The following DOK6 variants were observed in gnomAD, a reference collection of about 807,000 sequenced individuals.
DOK6 encodes docking protein 6, also known as downstream of tyrosine kinase 6.
In DOK6, 22 loss-of-function variants were observed where a neutral mutation model predicts 44.0. That is an observed-to-expected ratio of 0.50 (90% CI 0.36 to 0.71). DOK6 has a LOEUF of 0.71. Ranked by LOEUF, DOK6 falls within the 30% of genes least tolerant of loss-of-function variation. The pLI, the probability that DOK6 is intolerant of heterozygous loss-of-function variation, is 0.00. For missense variants in DOK6, 340 were observed against 416.4 expected, an observed-to-expected ratio of 0.82 and a Z score of 1.60; for synonymous variants, 166 against 145.5, an observed-to-expected ratio of 1.14 and a Z score of -1.01.
intron 7 of DOK6, among the ~76,000 whole-genome samples, chr18:69,822,701 C>T (rs1303155630): frequency 6.6e-6 from 1 of 152,166 alleles, no homozygotes; most frequent in Non-Finnish European, 1.5e-5. Context: ...GCAGTCATTG[C>T]CTTTGCTCAC....
chr18:69,604,070 A>T (rs920069982), intron 3 of DOK6, among the ~76,000 whole-genome samples: 37 of 152,190 alleles, frequency 2.4e-4, no homozygotes, highest in African/African-American at 8.9e-4. Flanking sequence ...TGATAATTTG[A>T]ATCCATAATT....
chr18:69,444,903 T>A (rs1979239821), intron 1 of DOK6, among the ~76,000 whole-genome samples: 1 of 152,210 alleles, frequency 6.6e-6, no homozygotes, highest in Non-Finnish European at 1.5e-5. Flanking sequence ...ACATTGATTC[T>A]GTAGATCACT....
At chr18:69,437,836 C>A (rs1979025564) in intron 1 of DOK6, among the ~76,000 whole-genome samples, 1 of 152,088 alleles carries the variant, frequency 6.6e-6, no homozygotes, top group Non-Finnish European at 1.5e-5. Context: ...CACAGTAAAG[C>A]AAATATCAAA....
In DOK6 at chr18:69,811,524, TTA is replaced by T. The variant is rs57486782; in HGVS notation, c.857-29668_857-29667del. Among the ~76,000 whole-genome samples the T allele has an allele frequency of 6.7e-3, 624 of 93,546 alleles. 17 individuals are homozygous for T. Among genetic ancestry groups the T allele is most frequent in the Middle Eastern group, 0.024 (4 of 170 alleles). 61.4% of individuals were successfully genotyped at this position (93,546 alleles called of 152,430 possible). A position where few individuals can be genotyped will look rare whatever the true frequency, so the allele number is the denominator to read the frequency against. On this transcript the variant is annotated intron_variant, in intron 7 of 7. Coordinates refer to ENST00000382713, the MANE Select transcript of DOK6 (RefSeq NM_152721.6). ...TAATTAGCTTGATTTAACCATTCCATTATATATATATATATATATATATATAT... is the reference window on the plus strand; with the variant it reads ...TAATTAGCTTGATTTAACCATTCCATTATATATATATATATATATATATAT...
intron 1 of DOK6, among the ~76,000 whole-genome samples, chr18:69,421,940 C>CA (rs1978505179): frequency 6.6e-6 from 1 of 152,092 alleles, no homozygotes. Context: ...GCCATTAAAA[C>CA]AAAGCAAAGC....
intron 1 of DOK6, among the ~76,000 whole-genome samples, chr18:69,423,760 A>G (rs1425980631): frequency 2.6e-5 from 4 of 152,236 alleles, no homozygotes; most frequent in African/African-American, 9.6e-5. Flanking sequence ...CAGTTATGAA[A>G]TATTCCAAAC....
intron 1 of DOK6, among the ~76,000 whole-genome samples, chr18:69,505,491 CTTTTTT>C (rs772908185): frequency 9.0e-5 from 8 of 88,568 alleles, no homozygotes; most frequent in South Asian, 4.5e-4. Context: ...TACTCCCATT[CTTTTTT>C]TTTTTTTTTT....
chr18:69,503,759 TTAATA>T (rs1439306614), intron 1 of DOK6, among the ~76,000 whole-genome samples: 1 of 151,978 alleles, frequency 6.6e-6, no homozygotes, highest in East Asian at 1.9e-4. Flanking sequence ...AAAAATAATT[TTAATA>T]TATTATTTGA....
intron 5 of DOK6, among the ~76,000 whole-genome samples, chr18:69,735,312 T>C (rs1223169920): frequency 6.6e-6 from 1 of 152,248 alleles, no homozygotes; most frequent in East Asian, 1.9e-4. Flanking sequence ...GCACATGCTG[T>C]CAGTGTCAGA....
chr18:69,524,790 C>G lies in DOK6; in HGVS notation c.67-39697C>G, dbSNP rs1837964. On this transcript the variant is annotated intron_variant, in intron 1 of 7. Coordinates refer to ENST00000382713, the MANE Select transcript of DOK6 (RefSeq NM_152721.6). ...TAAAACAAAGTAATTGTCCAGTAGC[C>G]TATAATCATTAAACAAATTTTTGAT... 7.2e-3 allele frequency among the ~76,000 whole-genome samples: 1,089 copies of G among 151,776 alleles called. 8 individuals are homozygous for G. The highest frequency in any genetic ancestry group is 0.025 in the African/African-American group (1,038 of 41,472).
At chr18:69,645,955 G>A (rs1382837722) in intron 3 of DOK6, among the ~76,000 whole-genome samples, 3 of 152,096 alleles carry the variant, frequency 2.0e-5, no homozygotes, top group African/African-American at 4.8e-5. Flanking sequence ...TTGTGATCGA[G>A]GAGTCTGATT....
At chr18:69,539,855 A>G (rs1320522746) in intron 1 of DOK6, among the ~76,000 whole-genome samples, 1 of 152,144 alleles carries the variant, frequency 6.6e-6, no homozygotes. Context: ...AATATGTATT[A>G]GTTTGTTCTC....
intron 3 of DOK6, among the ~76,000 whole-genome samples, chr18:69,600,788 A>G (rs909345720): frequency 2.0e-5 from 3 of 152,202 alleles, no homozygotes; most frequent in Non-Finnish European, 2.9e-5. Context: ...ACTGGAGCCT[A>G]TTAATTTGTT....
At chr18:69,496,450 G>T (rs1344378842) in intron 1 of DOK6, among the ~76,000 whole-genome samples, 1 of 152,242 alleles carries the variant, frequency 6.6e-6, no homozygotes, top group Non-Finnish European at 1.5e-5. Context: ...TGTGATGGCA[G>T]CCGTGGCTCC....
At chr18:69,737,535 C>T (rs995471489) in intron 5 of DOK6, among the ~76,000 whole-genome samples, 1 of 152,168 alleles carries the variant, frequency 6.6e-6, no homozygotes, top group Admixed American at 6.5e-5. Context: ...ACCCTATCAC[C>T]TAGCCCATTT....
chr18:69,591,144 C>G (rs4542760), intron 2 of DOK6, among the ~76,000 whole-genome samples: 14 of 152,116 alleles, frequency 9.2e-5, no homozygotes, highest in African/African-American at 2.4e-4. Flanking sequence ...CAATTTTATT[C>G]TCATTTTACT....
At chr18:69,474,584 C>T (rs1280097844) in intron 1 of DOK6, among the ~76,000 whole-genome samples, 2 of 152,102 alleles carry the variant, frequency 1.3e-5, no homozygotes, top group African/African-American at 4.8e-5. Context: ...TCCAAAGGCC[C>T]ATTCATTGAA....
chr18:69,682,732 T>TA (rs1171640674), intron 4 of DOK6, among the ~76,000 whole-genome samples: 1 of 152,062 alleles, frequency 6.6e-6, no homozygotes, highest in Admixed American at 6.6e-5. Flanking sequence ...AAAGCTGATA[T>TA]AAAAAATGAT....
intron 3 of DOK6, among the ~76,000 whole-genome samples, chr18:69,667,710 GT>G (rs1985696029): frequency 6.6e-6 from 1 of 152,146 alleles, no homozygotes; most frequent in South Asian, 2.1e-4. Context: ...TTAAATGTCT[GT>G]TATGTCTTAG....
Sources: gnomAD v4.1 joint callset for allele counts (sites outside exome capture counted in the v4.1 genomes callset) on GRCh38, gnomAD v4.1.1 for gene constraint, MANE v1.5 for transcripts, NCBI Gene and HGNC (gene_info 2026-07-23, HGNC 2026-07-21) for gene names.